CNKSR2: variants seen among roughly 807,000 people sequenced by gnomAD.
CNKSR2 encodes the protein CNK homolog protein 2.
A neutral mutation model predicts 84.4 loss-of-function variants in CNKSR2; 14 were observed. The observed-to-expected ratio is 0.17, with a 90% CI of 0.11 to 0.26. The LOEUF is 0.26. Among genes scored for constraint, CNKSR2 ranks in the 10% least tolerant of loss-of-function variants. CNKSR2 has a pLI of 1.00. For synonymous variants in CNKSR2, 275 were observed against 277.9 expected (o/e 0.99, Z 0.10); for missense variants, 485 against 771.2 (o/e 0.63, Z 4.40).
At chrX:21,594,913 G>A in intron 15 of CNKSR2, 61 bp from the exon 16 acceptor site, 1 of 837,290 alleles carries the variant, frequency 1.2e-6, no homozygotes, top group East Asian at 3.2e-5. Context: ...CATAGTTACA[G>A]AGTATCATTA....
intron 9 of CNKSR2, among the ~76,000 whole-genome samples, chrX:21,518,499 C>T (rs1300878278): frequency 9.0e-6 from 1 of 111,729 alleles, no homozygotes; most frequent in Non-Finnish European, 1.9e-5. Context: ...TATTCTTTTC[C>T]ACATGCACAA....
chrX:21,523,443 A>T (rs2091804127), intron 9 of CNKSR2, among the ~76,000 whole-genome samples: 1 of 111,473 alleles, frequency 9.0e-6, no homozygotes, highest in South Asian at 3.6e-4. Context: ...GAAGGTCAAA[A>T]TGATAAAAGA....
intron 13 of CNKSR2, among the ~76,000 whole-genome samples, chrX:21,587,344 C>T (rs2092394771): frequency 9.0e-6 from 1 of 111,728 alleles, no homozygotes; most frequent in African/African-American, 3.3e-5. Flanking sequence ...AAAGAATATA[C>T]TTACTTGAGC....
At chrX:21,524,942 G>GT (rs2091820481) in intron 9 of CNKSR2, among the ~76,000 whole-genome samples, 1 of 111,367 alleles carries the variant, frequency 9.0e-6, no homozygotes, top group Non-Finnish European at 1.9e-5. Flanking sequence ...CTCTCACAGT[G>GT]TATCTGTTTC....
chrX:21,520,830 A>G (rs1443191852), intron 9 of CNKSR2, among the ~76,000 whole-genome samples: 1 of 110,125 alleles, frequency 9.1e-6, no homozygotes, highest in African/African-American at 3.3e-5. Flanking sequence ...ATGTTCCTAA[A>G]TTGTATTCTC....
At chrX:21,476,883 G>T (rs1179554821) in intron 5 of CNKSR2, among the ~76,000 whole-genome samples, 2 of 111,722 alleles carry the variant, frequency 1.8e-5, no homozygotes, top group Non-Finnish European at 3.8e-5. Context: ...CACATTCTCT[G>T]GCAGGTTAGA....
chrX:21,583,336 G>T (rs1274523616), intron 13 of CNKSR2, among the ~76,000 whole-genome samples: 2 of 111,411 alleles, frequency 1.8e-5, no homozygotes, highest in African/African-American at 6.5e-5. Flanking sequence ...GAAATTTTTT[G>T]ACTTAATATT....
chrX:21,591,707 G>A (rs1296355085), intron 15 of CNKSR2: 1 of 110,125 alleles, frequency 9.1e-6, no homozygotes, highest in Admixed American at 9.7e-5. Context: ...ACTTGGCCCA[G>A]TGGGGGGGTA....
rs368816623 is a variant in CNKSR2, at chrX:21,490,421, C to T, written c.562-38C>T. 3.1e-5 allele frequency: 36 copies of T among 1,165,674 alleles called. No homozygotes were observed. In the African/African-American group the frequency reaches 5.3e-4, roughly 17 times the overall value. Reference sequence around the variant, plus strand: ...GGTGATTTATATGTTACTTACAACACGTATTTACCACAACTATTTTTGTTT... The same window carrying T: ...GGTGATTTATATGTTACTTACAACATGTATTTACCACAACTATTTTTGTTT... On this transcript the variant is annotated intron_variant, in intron 5 of 21. Transcript: ENST00000379510.
chrX:21,596,471 T>C (rs990839759), intron 17 of CNKSR2, among the ~76,000 whole-genome samples: 3 of 111,636 alleles, frequency 2.7e-5, no homozygotes, highest in Non-Finnish European at 5.7e-5. Flanking sequence ...ATATAAATGT[T>C]TACTATTAAT....
intron 1 of CNKSR2, among the ~76,000 whole-genome samples, chrX:21,396,918 G>C (rs904777892): frequency 6.3e-5 from 7 of 111,723 alleles, no homozygotes; most frequent in Non-Finnish European, 1.1e-4. Context: ...GAGTTCTTTT[G>C]ATCACTGGTG....
chrX:21,512,982 G>C (rs1285326489), intron 8 of CNKSR2, among the ~76,000 whole-genome samples: 3 of 111,665 alleles, frequency 2.7e-5, no homozygotes, highest in African/African-American at 9.7e-5. Flanking sequence ...CACGTAAATT[G>C]GGTTTAATAG....
intron 4 of CNKSR2, among the ~76,000 whole-genome samples, chrX:21,452,528 C>T (rs769049454): frequency 7.2e-5 from 8 of 111,574 alleles, no homozygotes; most frequent in Non-Finnish European, 1.3e-4. Flanking sequence ...TGTACCCTCA[C>T]GTCTCTATAT....
chrX:21,635,455 T>TATATATGTATATGTGTATATATAA (rs2092667522), intron 20 of CNKSR2, among the ~76,000 whole-genome samples: 2 of 104,517 alleles, frequency 1.9e-5, no homozygotes, highest in Admixed American at 1.1e-4. Context: ...TATACACCTA[T>TATATATGTATATGTGTATATATAA]ATATATGTAT....
intron 5 of CNKSR2, among the ~76,000 whole-genome samples, chrX:21,483,660 A>C (rs1256359487): frequency 9.3e-6 from 1 of 107,656 alleles, no homozygotes; most frequent in African/African-American, 3.4e-5. Flanking sequence ...ATGGAATAAT[A>C]ATTTTAAATA....
intron 8 of CNKSR2, among the ~76,000 whole-genome samples, chrX:21,508,795 T>C (rs2091640632): frequency 8.9e-6 from 1 of 112,203 alleles, no homozygotes; most frequent in South Asian, 3.7e-4. Flanking sequence ...TTACAGGAGA[T>C]AGTGCAAGTA....
intron 1 of CNKSR2, 72 bp from the exon 2 acceptor site, chrX:21,426,425 T>G (rs905371495): frequency 9.8e-7 from 1 of 1,019,315 alleles, no homozygotes; most frequent in Non-Finnish European, 1.4e-6. Context: ...AATGCTTGCT[T>G]CTAACCCACC....
intron 20 of CNKSR2, among the ~76,000 whole-genome samples, chrX:21,616,033 C>G (rs184578069): frequency 2.1e-4 from 23 of 111,493 alleles, no homozygotes; most frequent in Non-Finnish European, 3.8e-4. Context: ...ATAATTGTAT[C>G]AGATATATTT....
intron 18 of CNKSR2, among the ~76,000 whole-genome samples, chrX:21,606,092 A>C: frequency 8.9e-6 from 1 of 111,998 alleles, no homozygotes. Context: ...AGGTCTGCCA[A>C]GTCACTTTGT....
Sources: allele counts gnomAD v4.1 joint callset (sites outside exome capture counted in the v4.1 genomes callset), GRCh38; gene constraint gnomAD v4.1.1; transcripts MANE v1.5; gene names NCBI Gene and HGNC (gene_info 2026-07-23, HGNC 2026-07-21).